The following FAM168A variants were observed in gnomAD, a reference collection of about 807,000 sequenced individuals.
FAM168A encodes protein FAM168A.
A neutral mutation model predicts 28.5 loss-of-function variants in FAM168A; 3 were observed. That is an observed-to-expected ratio of 0.11 (90% confidence interval 0.05 to 0.27). FAM168A has a LOEUF of 0.27. Ranked by LOEUF, FAM168A falls within the 10% of genes least tolerant of loss-of-function variation. The pLI, the probability that FAM168A is intolerant of heterozygous loss-of-function variation, is 1.00. For missense variants in FAM168A, 222 were observed against 311.5 expected (o/e 0.71, Z 2.16); for synonymous variants, 122 against 124.2 (o/e 0.98, Z 0.12).
At chr11:73,452,817 T>TA (rs1867456598) in intron 2 of FAM168A, among the ~76,000 whole-genome samples, 1 of 141,936 alleles carries the variant, frequency 7.0e-6, no homozygotes, top group African/African-American at 2.9e-5. Flanking sequence ...AAAAAAATAA[T>TA]AATAATAAGT....
At chr11:73,479,017 T>C (rs1282551263) in intron 1 of FAM168A, among the ~76,000 whole-genome samples, 2 of 152,154 alleles carry the variant, frequency 1.3e-5, no homozygotes, top group Non-Finnish European at 2.9e-5. Context: ...GTTTTGCTCA[T>C]GAGATGTAAC....
chr11:73,581,292 C>T (rs1408956223), intron 1 of FAM168A, among the ~76,000 whole-genome samples: 4 of 152,104 alleles, frequency 2.6e-5, no homozygotes, highest in Non-Finnish European at 4.4e-5. Context: ...TGATTGTTTA[C>T]GGACAGTATC....
chr11:73,481,755 G>C (rs1867970165), intron 1 of FAM168A, among the ~76,000 whole-genome samples: 1 of 152,168 alleles, frequency 6.6e-6, no homozygotes, highest in Non-Finnish European at 1.5e-5. Context: ...GAAGAGGTCT[G>C]TGGCATGGCA....
In FAM168A at chr11:73,403,505, G is replaced by A. The variant is rs1212273039; in HGVS notation, c.*3258C>T. 1.3e-5 allele frequency: 2 copies of A among 152,264 alleles called. No individual in the cohort carries two copies. Among genetic ancestry groups the A allele is most frequent in the Non-Finnish European group, 2.9e-5 (2 of 68,074 alleles). 9.4% of individuals were successfully genotyped at this position (152,264 alleles called of 1,614,324 possible). On this transcript the variant is annotated 3_prime_UTR_variant, in exon 8 of 8. Coordinates refer to ENST00000356467, the MANE Select transcript of FAM168A (RefSeq NM_015159.3). ...GGCCAGTGCTGTAGCTCACTGTCAGGCGGCTACATCCCTTGTCCTCTCTTG... is the reference window on the plus strand; with the variant it reads ...GGCCAGTGCTGTAGCTCACTGTCAGACGGCTACATCCCTTGTCCTCTCTTG...
At chr11:73,410,917 A>G (rs550434311) in intron 5 of FAM168A, among the ~76,000 whole-genome samples, 14 of 152,292 alleles carry the variant, frequency 9.2e-5, no homozygotes, top group African/African-American at 3.4e-4. Context: ...AACTTGTCCA[A>G]GGTCACAGAG....
intron 1 of FAM168A, among the ~76,000 whole-genome samples, chr11:73,558,802 T>C (rs1184555094): frequency 6.6e-6 from 1 of 152,116 alleles, no homozygotes; most frequent in Non-Finnish European, 1.5e-5. Flanking sequence ...AGGAAATAAG[T>C]ATAAGCAAGG....
At chr11:73,562,225 G>A (rs977625409) in intron 1 of FAM168A, among the ~76,000 whole-genome samples, 6 of 152,252 alleles carry the variant, frequency 3.9e-5, no homozygotes, top group Non-Finnish European at 8.8e-5. Context: ...ACAGGCGTGA[G>A]CCACCGCACC....
chr11:73,464,132 C>T (rs1222322024), intron 2 of FAM168A, among the ~76,000 whole-genome samples: 4 of 151,434 alleles, frequency 2.6e-5, no homozygotes, highest in Non-Finnish European at 5.9e-5. Context: ...ACAGTGTGAC[C>T]TTAGAGAAGC....
rs567190500 is a variant in FAM168A at position 73,588,183 on chromosome 11, TG to T, written c.-19+9739del. ...CACCATTTTTACTTGAAAAAACGACTGGCAGAAAAACTATGATTATTCAGAC... is the reference window on the plus strand; with the variant it reads ...CACCATTTTTACTTGAAAAAACGACTGCAGAAAAACTATGATTATTCAGAC... On this transcript the variant is annotated intron_variant, in intron 1 of 7. Transcript: ENST00000356467. Among the ~76,000 whole-genome samples the T allele has an allele frequency of 4.2e-4, 64 of 152,326 alleles. 1 individual carries two copies. Among genetic ancestry groups the T allele is most frequent in the African/African-American group, 1.5e-3 (62 of 41,572 alleles).
intron 2 of FAM168A, among the ~76,000 whole-genome samples, chr11:73,449,463 G>T (rs1342595376): frequency 3.3e-5 from 5 of 152,114 alleles, no homozygotes; most frequent in African/African-American, 1.2e-4. Flanking sequence ...ATAATAATAT[G>T]AATCACTCGG....
chr11:73,439,812 T>G (rs963712766), intron 2 of FAM168A, among the ~76,000 whole-genome samples: 1 of 151,290 alleles, frequency 6.6e-6, no homozygotes, highest in Non-Finnish European at 1.5e-5. Flanking sequence ...CTAAAACAGA[T>G]CAAAGAGCAA....
chr11:73,584,179 T>C (rs1258420718), intron 1 of FAM168A, among the ~76,000 whole-genome samples: 3 of 96,900 alleles, frequency 3.1e-5, no homozygotes, highest in Non-Finnish European at 5.8e-5. Context: ...ATTCACTGAC[T>C]TTTTTTTTTT....
chr11:73,569,068 T>C (rs549651131), intron 1 of FAM168A, among the ~76,000 whole-genome samples: 5 of 152,180 alleles, frequency 3.3e-5, no homozygotes, highest in Admixed American at 6.5e-5. Context: ...ATCCCTCTCT[T>C]ATATGAAGGC....
intron 1 of FAM168A, among the ~76,000 whole-genome samples, chr11:73,497,084 G>A (rs538100120): frequency 1.3e-5 from 2 of 152,228 alleles, no homozygotes; most frequent in African/African-American, 4.8e-5. Context: ...AAAGCCCTGC[G>A]TGATCCCATC....
At chr11:73,542,628 G>A (rs1480924330) in intron 1 of FAM168A, among the ~76,000 whole-genome samples, 2 of 152,074 alleles carry the variant, frequency 1.3e-5, no homozygotes, top group African/African-American at 4.8e-5. Context: ...TTTAAATAAA[G>A]TTTGGAGCAT....
intron 2 of FAM168A, among the ~76,000 whole-genome samples, chr11:73,435,876 AT>A (rs1345479344): frequency 6.6e-6 from 1 of 152,158 alleles, no homozygotes; most frequent in Non-Finnish European, 1.5e-5. Context: ...TCCTAATGTG[AT>A]TTCTCCCATT....
chr11:73,576,176 GA>G (rs1241687274), intron 1 of FAM168A, among the ~76,000 whole-genome samples: 1 of 152,114 alleles, frequency 6.6e-6, no homozygotes, highest in Non-Finnish European at 1.5e-5. Context: ...TCTCCATTCA[GA>G]AGATCTTCTA....
intron 1 of FAM168A, among the ~76,000 whole-genome samples, chr11:73,572,814 C>G (rs1944120452): frequency 6.6e-6 from 1 of 152,048 alleles, no homozygotes; most frequent in South Asian, 2.1e-4. Flanking sequence ...CTTCCTTCCA[C>G]TATTGTCCTA....
At chr11:73,538,559 T>C (rs1043351628) in intron 1 of FAM168A, among the ~76,000 whole-genome samples, 4 of 152,154 alleles carry the variant, frequency 2.6e-5, no homozygotes, top group African/African-American at 9.7e-5. Context: ...GCAGATGCAA[T>C]CTCTCCCTGT....
Sources: allele counts gnomAD v4.1 joint callset (sites outside exome capture counted in the v4.1 genomes callset), GRCh38; gene constraint gnomAD v4.1.1; transcripts MANE v1.5; gene names NCBI Gene and HGNC (gene_info 2026-07-23, HGNC 2026-07-21).